Variants in SPATA45 observed in about 807,000 individuals in gnomAD.
The protein encoded by SPATA45 is spermatogenesis associated 45.
Under a neutral mutation model 7.0 loss-of-function variants are expected in SPATA45, and 5 were observed. The observed-to-expected ratio is 0.71, with a 90% confidence interval of 0.37 to 1.50. The LOEUF (loss-of-function observed/expected upper bound fraction) is 1.50, where lower values mean the gene tolerates loss of function less well. Ranked by LOEUF, SPATA45 falls within the 40% of genes most tolerant of loss-of-function variation. The pLI is 0.03. For missense variants in SPATA45, 111 were observed against 114.9 expected, an observed-to-expected ratio of 0.97 and a Z score of 0.16; for synonymous variants, 40 against 38.7, an observed-to-expected ratio of 1.03 and a Z score of -0.13.
rs1171533745 is a variant in SPATA45, at chr1:212,844,200, G to GGCTGCT, written c.-39+3374_-39+3379dup. ...CTTAGCCCTCATGTCTGTGTGCAGC[G>GGCTGCT]GCTGCTGCTGCTGCTTTAATACTTT... On this transcript the variant is annotated intron_variant, in intron 1 of 2. Coordinates refer to ENST00000332912, the MANE Select transcript of SPATA45 (RefSeq NM_001024601.3). Among the ~76,000 whole-genome samples the GGCTGCT allele has an allele frequency of 4.6e-5, 7 of 152,278 alleles. No homozygotes were observed. In the South Asian group the frequency reaches 1.2e-3, roughly 27 times the overall value.
intron 2 of SPATA45, among the ~76,000 whole-genome samples, chr1:212,834,038 C>T (rs1663545999): frequency 6.6e-6 from 1 of 151,750 alleles, no homozygotes; most frequent in Non-Finnish European, 1.5e-5. Context: ...CATGAGCCAC[C>T]TTGCCCAGCC....
chr1:212,836,334 ATTTAC>A, intron 1 of SPATA45, 147 bp from the exon 2 acceptor site: 1 of 625,424 alleles, frequency 1.6e-6, no homozygotes, highest in East Asian at 2.9e-5. Flanking sequence ...TCACTTTTTT[ATTTAC>A]TTATTTTTTT....
intron 2 of SPATA45, among the ~76,000 whole-genome samples, chr1:212,834,454 CT>C (rs751372594): frequency 6.8e-4 from 97 of 142,792 alleles, no homozygotes; most frequent in Middle Eastern, 3.6e-3. Context: ...CCTTCGTCCA[CT>C]TTTTTTTTTT....
intron 2 of SPATA45, among the ~76,000 whole-genome samples, chr1:212,832,244 T>A (rs1490459974): frequency 2.7e-5 from 4 of 150,614 alleles, no homozygotes; most frequent in African/African-American, 9.7e-5. Flanking sequence ...CCTCAGGTGA[T>A]CCACTCGCCT....
chr1:212,835,391 T>A (rs887688502), intron 2 of SPATA45, among the ~76,000 whole-genome samples: 1 of 151,378 alleles, frequency 6.6e-6, no homozygotes, highest in Non-Finnish European at 1.5e-5. Flanking sequence ...TCAGACTTCG[T>A]GGTGCATGCC....
chr1:212,832,359 CTTTTT>C (rs34934655), intron 2 of SPATA45, among the ~76,000 whole-genome samples: 3 of 57,172 alleles, frequency 5.2e-5, no homozygotes, highest in African/African-American at 1.4e-4. Context: ...GAAATCTAAG[CTTTTT>C]TTTTTTTTTT....
intron 1 of SPATA45, among the ~76,000 whole-genome samples, chr1:212,841,727 A>T (rs565075315): frequency 6.6e-6 from 1 of 151,938 alleles, no homozygotes; most frequent in South Asian, 2.1e-4. Flanking sequence ...AAAATAATAA[A>T]AAATAAAAAG....
intron 2 of SPATA45, among the ~76,000 whole-genome samples, chr1:212,835,055 G>C (rs1302547183): frequency 6.6e-6 from 1 of 151,480 alleles, no homozygotes; most frequent in Non-Finnish European, 1.5e-5. Context: ...AAAAAAGAGA[G>C]TCTCTGGTCT....
chr1:212,833,310 A>G (rs911738858), intron 2 of SPATA45, among the ~76,000 whole-genome samples: 3 of 151,458 alleles, frequency 2.0e-5, no homozygotes, highest in African/African-American at 7.3e-5. Flanking sequence ...GCTCCCACTT[A>G]TAAGTGAGAA....
chr1:212,840,240 G>C (rs990985877), intron 1 of SPATA45, among the ~76,000 whole-genome samples: 1 of 145,582 alleles, frequency 6.9e-6, no homozygotes, highest in Non-Finnish European at 1.6e-5. Flanking sequence ...GTGAAACCCC[G>C]TCTTTACAAA....
chr1:212,840,223 C>T (rs1663654808), intron 1 of SPATA45, among the ~76,000 whole-genome samples: 1 of 147,172 alleles, frequency 6.8e-6, no homozygotes, highest in South Asian at 2.2e-4. Context: ...CCAGCCTGGC[C>T]AACATGGTGA....
At chr1:212,831,695 A>T (rs1374098808) in intron 2 of SPATA45, among the ~76,000 whole-genome samples, 1 of 151,304 alleles carries the variant, frequency 6.6e-6, no homozygotes, top group Non-Finnish European at 1.5e-5. Context: ...AGCAAAGAGG[A>T]TCACCCAGAA....
intron 2 of SPATA45, among the ~76,000 whole-genome samples, chr1:212,835,629 T>G (rs1033223177): frequency 2.0e-5 from 3 of 151,308 alleles, no homozygotes; most frequent in Non-Finnish European, 3.0e-5. Context: ...GGTCAGGAGT[T>G]TGAGACCAGC....
At chr1:212,830,453 C>T (rs1663465419) in intron 2 of SPATA45, among the ~76,000 whole-genome samples, 192 bp from the exon 3 acceptor site, 1 of 151,048 alleles carries the variant, frequency 6.6e-6, no homozygotes, top group Non-Finnish European at 1.5e-5. Flanking sequence ...GGGCGGATCA[C>T]GAGGTCAGGA....
At chr1:212,842,239 G>A (rs1044815157) in intron 1 of SPATA45, among the ~76,000 whole-genome samples, 4 of 151,792 alleles carry the variant, frequency 2.6e-5, no homozygotes, top group African/African-American at 9.7e-5. Flanking sequence ...TTAGCCAAGT[G>A]TGGTGGCAGG....
chr1:212,830,309 A>C, intron 2 of SPATA45, 48 bp from the exon 3 acceptor site: 2 of 1,159,722 alleles, frequency 1.7e-6, no homozygotes, highest in Non-Finnish European at 2.5e-6. Flanking sequence ...CTTATAACAC[A>C]TTTCATGGTT....
At chr1:212,841,240 C>A (rs1663678643) in intron 1 of SPATA45, among the ~76,000 whole-genome samples, 1 of 151,854 alleles carries the variant, frequency 6.6e-6, no homozygotes, top group Admixed American at 6.6e-5. Context: ...CTCACTGCAA[C>A]CTCTGCCTCC....
intron 1 of SPATA45, among the ~76,000 whole-genome samples, chr1:212,843,073 G>A (rs560439778): frequency 6.8e-6 from 1 of 147,030 alleles, no homozygotes; most frequent in East Asian, 2.0e-4. Flanking sequence ...CTCCAGCCTG[G>A]GCAACAGAGC....
chr1:212,837,732 G>A (rs1221166180), intron 1 of SPATA45, among the ~76,000 whole-genome samples: 2 of 151,794 alleles, frequency 1.3e-5, no homozygotes, highest in Admixed American at 6.6e-5. Context: ...AGCCTGGGAG[G>A]TGAAGGTTGC....
Sources: allele counts gnomAD v4.1 joint callset (sites outside exome capture counted in the v4.1 genomes callset), GRCh38; gene constraint gnomAD v4.1.1; transcripts MANE v1.5; gene names NCBI Gene and HGNC (gene_info 2026-07-23, HGNC 2026-07-21).